Variants in SRPK2 observed in about 807,000 individuals in gnomAD.
The protein encoded by SRPK2 is SFRS protein kinase 2.
Under a neutral mutation model 90.8 loss-of-function variants are expected in SRPK2, and 21 were observed. The observed-to-expected ratio is 0.23, with a 90% CI of 0.16 to 0.33. SRPK2 has a LOEUF of 0.33. Among genes scored for constraint, SRPK2 ranks in the 10% least tolerant of loss-of-function variants. The probability of loss-of-function intolerance (pLI) is 1.00; values close to 1 mark genes in which losing one functional copy is unlikely to be tolerated. For missense variants in SRPK2, 620 were observed against 869.0 expected (o/e 0.71, Z 3.60); for synonymous variants, 288 against 311.1 (o/e 0.93, Z 0.78).
intron 3 of SRPK2, among the ~76,000 whole-genome samples, chr7:105,170,748 G>A (rs944249678): frequency 7.6e-5 from 4 of 52,376 alleles, no homozygotes; most frequent in Non-Finnish European, 9.7e-5. Context: ...AGAAAGGGAG[G>A]AAGGAAGGAA....
chr7:105,178,357 A>T (rs1468889891), intron 3 of SRPK2, among the ~76,000 whole-genome samples: 1 of 152,230 alleles, frequency 6.6e-6, no homozygotes, highest in East Asian at 1.9e-4. Context: ...ATTCAAAAGC[A>T]GTCAATCAGA....
intron 2 of SRPK2, among the ~76,000 whole-genome samples, chr7:105,355,373 A>G (rs1319220059): frequency 6.6e-6 from 1 of 152,186 alleles, no homozygotes; most frequent in Non-Finnish European, 1.5e-5. Flanking sequence ...AGCAAGGCAC[A>G]GTGGCTCACG....
intron 2 of SRPK2, among the ~76,000 whole-genome samples, chr7:105,261,041 AAC>A (rs1491223933): frequency 4.6e-5 from 7 of 150,910 alleles, no homozygotes; most frequent in African/African-American, 1.7e-4. Flanking sequence ...AAAAAAAAAA[AAC>A]AGTATGGAGT....
chr7:105,370,445 T>A (rs1335936562), intron 2 of SRPK2, among the ~76,000 whole-genome samples: 4 of 152,160 alleles, frequency 2.6e-5, no homozygotes, highest in Admixed American at 6.5e-5. Context: ...CATTCAATCA[T>A]GTCATCTAGA....
At chr7:105,376,882 T>TACACACACACACACACAC (rs34080086) in intron 2 of SRPK2, among the ~76,000 whole-genome samples, 6 of 120,996 alleles carry the variant, frequency 5.0e-5, no homozygotes, top group African/African-American at 1.9e-4. Flanking sequence ...TTTTCTCCTT[T>TACACACACACACACACAC]ACACACACAC....
chr7:105,398,349 T>C (rs1465754153), intron 1 of SRPK2, among the ~76,000 whole-genome samples: 1 of 152,046 alleles, frequency 6.6e-6, no homozygotes, highest in Admixed American at 6.6e-5. Context: ...ATCACCCGTC[T>C]TGGGGCCTTT....
At chr7:105,265,885 T>C (rs1804998192) in intron 2 of SRPK2, among the ~76,000 whole-genome samples, 1 of 152,174 alleles carries the variant, frequency 6.6e-6, no homozygotes, top group South Asian at 2.1e-4. Flanking sequence ...ATTCATTCAA[T>C]AGCATTCTCT....
intron 2 of SRPK2, among the ~76,000 whole-genome samples, chr7:105,296,108 A>C (rs1000073759): frequency 6.6e-6 from 1 of 152,220 alleles, no homozygotes; most frequent in Non-Finnish European, 1.5e-5. Flanking sequence ...TGAAGAGTAC[A>C]AGAATACTTT....
chr7:105,225,092 TGAGGTGG>T (rs1456995946), intron 2 of SRPK2, among the ~76,000 whole-genome samples: 13 of 152,202 alleles, frequency 8.5e-5, no homozygotes, highest in African/African-American at 3.1e-4. Context: ...CTTGGAAGGC[TGAGGTGG>T]GAGGATCACT....
At chr7:105,345,766 C>T (rs2131965012) in intron 2 of SRPK2, among the ~76,000 whole-genome samples, 1 of 152,332 alleles carries the variant, frequency 6.6e-6, no homozygotes, top group Middle Eastern at 3.4e-3. Context: ...CTATGTTGTT[C>T]TACATCTGCT....
chr7:105,389,274 G>C (rs892511110), upstream of SRPK2: 1 of 1,273,594 alleles, frequency 7.9e-7, no homozygotes, highest in Admixed American at 2.4e-5. Context: ...GCTGCTCCAT[G>C]CGCCCGTCCT....
At chr7:105,226,228 G>T (rs1798690140) in intron 2 of SRPK2, among the ~76,000 whole-genome samples, 2 of 151,636 alleles carry the variant, frequency 1.3e-5, no homozygotes, top group African/African-American at 4.8e-5. Flanking sequence ...TAAACAAAAT[G>T]GAAGATATAT....
intron 2 of SRPK2, among the ~76,000 whole-genome samples, chr7:105,275,870 C>T (rs1806415462): frequency 6.6e-6 from 1 of 152,128 alleles, no homozygotes; most frequent in South Asian, 2.1e-4. Context: ...GATCACTAAA[C>T]CTGGGCATGA....
chr7:105,190,910 T>C (rs1434211247), intron 3 of SRPK2, among the ~76,000 whole-genome samples: 1 of 152,216 alleles, frequency 6.6e-6, no homozygotes, highest in African/African-American at 2.4e-5. Flanking sequence ...CCAACATTAT[T>C]TCACCTTGTT....
At chr7:105,164,486 T>G (rs1808212610) in intron 6 of SRPK2, among the ~76,000 whole-genome samples, 1 of 152,222 alleles carries the variant, frequency 6.6e-6, no homozygotes, top group African/African-American at 2.4e-5. Context: ...GCACCCATTT[T>G]TCTTCAGTTA....
At chr7:105,149,783 G>T (rs183243032) in intron 7 of SRPK2, among the ~76,000 whole-genome samples, 25 of 152,036 alleles carry the variant, frequency 1.6e-4, no homozygotes, top group Non-Finnish European at 3.4e-4. Context: ...AAGTGAGAGG[G>T]AACAAAGATT....
At position 105,117,790 on chromosome 7, in the gene SRPK2, T is replaced by C. The variant is rs1313248470; in HGVS notation, c.*48A>G. 8 of 1,592,480 alleles carry C rather than the reference T, an allele frequency of 5.0e-6. No homozygotes were observed. The East Asian group carries it at 1.1e-4, about 22-fold the overall frequency. On this transcript the variant is annotated 3_prime_UTR_variant, in exon 16 of 16. Transcript: ENST00000393651. ...AATGAGAGTCACCGTTTAGGTCCAA[T>C]GTACTGGGAACATTTGCTAGCTCAG...
At chr7:105,302,279 C>A (rs533988633) in intron 2 of SRPK2, among the ~76,000 whole-genome samples, 2 of 152,276 alleles carry the variant, frequency 1.3e-5, no homozygotes, top group South Asian at 4.1e-4. Flanking sequence ...ACAAACTTGC[C>A]TTAATAAAAG....
intron 2 of SRPK2, among the ~76,000 whole-genome samples, chr7:105,348,033 CATTAAT>C (rs1275637852): frequency 6.7e-6 from 1 of 148,658 alleles, no homozygotes; most frequent in African/African-American, 2.5e-5. Flanking sequence ...TGACATATAC[CATTAAT>C]ATTAATGAGA....
Sources: allele counts gnomAD v4.1 joint callset (sites outside exome capture counted in the v4.1 genomes callset), GRCh38; gene constraint gnomAD v4.1.1; transcripts MANE v1.5; gene names NCBI Gene and HGNC (gene_info 2026-07-23, HGNC 2026-07-21).